The following KCNH5 variants were observed in gnomAD, a reference collection of about 807,000 sequenced individuals.
KCNH5 encodes the protein voltage-gated delayed rectifier potassium channel KCNH5.
A neutral mutation model predicts 96.1 loss-of-function variants in KCNH5; 46 were observed. The ratio of observed to expected loss-of-function variants is 0.48; its 90% confidence interval spans 0.38 to 0.61. The LOEUF is 0.61. Among genes scored for constraint, KCNH5 ranks in the 20% least tolerant of loss-of-function variants. The pLI is 0.00. For synonymous variants in KCNH5, 439 were observed against 449.8 expected, an observed-to-expected ratio of 0.98 and a Z score of 0.30; for missense variants, 907 against 1,225.8, an observed-to-expected ratio of 0.74 and a Z score of 3.88.
intron 10 of KCNH5, among the ~76,000 whole-genome samples, chr14:62,762,314 G>T (rs143023492): frequency 2.6e-5 from 4 of 152,046 alleles, no homozygotes; most frequent in African/African-American, 9.7e-5. Context: ...CTAGCCTCCC[G>T]TGTGGTCCCT....
chr14:62,899,944 A>C (rs573145846), intron 7 of KCNH5, among the ~76,000 whole-genome samples: 2 of 152,370 alleles, frequency 1.3e-5, no homozygotes, highest in South Asian at 2.1e-4. Flanking sequence ...TATCTCTGAA[A>C]TCAAACTGTA....
intron 8 of KCNH5, among the ~76,000 whole-genome samples, chr14:62,817,795 C>T (rs189727489): frequency 2.4e-5 from 3 of 124,046 alleles, no homozygotes; most frequent in Non-Finnish European, 5.0e-5. Flanking sequence ...TATATATATT[C>T]TATATATATT....
At chr14:62,806,872 C>G (rs538152129) in intron 8 of KCNH5, among the ~76,000 whole-genome samples, 1 of 152,246 alleles carries the variant, frequency 6.6e-6, no homozygotes, top group East Asian at 1.9e-4. Context: ...ATCTGCCTTG[C>G]TCTCTTTGCT....
At chr14:62,788,459 A>G (rs889162545) in intron 9 of KCNH5, among the ~76,000 whole-genome samples, 7 of 152,212 alleles carry the variant, frequency 4.6e-5, no homozygotes, top group African/African-American at 1.4e-4. Flanking sequence ...ACAACAAAGT[A>G]CTTATACTAG....
chr14:62,915,840 G>C (rs1479119330), intron 7 of KCNH5, among the ~76,000 whole-genome samples: 1 of 152,084 alleles, frequency 6.6e-6, no homozygotes, highest in Non-Finnish European at 1.5e-5. Flanking sequence ...TGAGATAGGT[G>C]TCATAACCCC....
intron 7 of KCNH5, among the ~76,000 whole-genome samples, chr14:62,865,488 TGAA>T (rs1888117245): frequency 6.6e-6 from 1 of 152,140 alleles, no homozygotes; most frequent in Non-Finnish European, 1.5e-5. Context: ...GTATAGCAGA[TGAA>T]GAGAGAAATA....
At chr14:63,016,237 T>C (rs952691575) in intron 2 of KCNH5, among the ~76,000 whole-genome samples, 5 of 151,996 alleles carry the variant, frequency 3.3e-5, no homozygotes, top group Admixed American at 1.3e-4. Flanking sequence ...TCCTTTTCTT[T>C]TTTCTGATCC....
intron 8 of KCNH5, among the ~76,000 whole-genome samples, chr14:62,816,429 C>G (rs976648147): frequency 2.6e-5 from 4 of 151,918 alleles, no homozygotes; most frequent in Admixed American, 2.0e-4. Context: ...CACTCTCCCA[C>G]TATGCTGACA....
At chr14:62,979,740 G>A (rs558829533) in intron 6 of KCNH5, among the ~76,000 whole-genome samples, 1 of 152,198 alleles carries the variant, frequency 6.6e-6, no homozygotes, top group Admixed American at 6.5e-5. Flanking sequence ...CTATTAGCTT[G>A]GTGTAACAAC....
At chr14:62,972,583 T>C (rs997755650) in intron 6 of KCNH5, among the ~76,000 whole-genome samples, 1 of 152,172 alleles carries the variant, frequency 6.6e-6, no homozygotes, top group African/African-American at 2.4e-5. Flanking sequence ...ATTCATAATT[T>C]TGCAAAACTT....
At position 62,987,919 on chromosome 14, in the gene KCNH5, G is replaced by A. The variant is rs117860356; in HGVS notation, c.434-732C>T. On this transcript the variant is annotated intron_variant, in intron 4 of 10. Coordinates refer to ENST00000322893, the MANE Select transcript of KCNH5 (RefSeq NM_139318.5). ...ATTTCAACAAATCTTACTTTTTATG[G>A]TTCATTTCACACACTTCCATCTTCC... Among the ~76,000 whole-genome samples, 325 of 152,140 alleles carry A rather than the reference G, an allele frequency of 2.1e-3. 14 individuals carry two copies. The East Asian group carries it at 0.056, about 26-fold the overall frequency.
At chr14:62,962,505 T>C (rs1594647950) in intron 6 of KCNH5, among the ~76,000 whole-genome samples, 1 of 152,110 alleles carries the variant, frequency 6.6e-6, no homozygotes, top group East Asian at 1.9e-4. Flanking sequence ...GCTAAGAAAA[T>C]AATTCACACA....
At chr14:62,886,465 A>G (rs1595670595) in intron 7 of KCNH5, among the ~76,000 whole-genome samples, 2 of 152,220 alleles carry the variant, frequency 1.3e-5, no homozygotes, top group South Asian at 4.1e-4. Context: ...ACACTCTGGC[A>G]TGACAGGGTT....
chr14:62,983,126 C>T (rs1890640812), intron 5 of KCNH5, among the ~76,000 whole-genome samples: 1 of 152,132 alleles, frequency 6.6e-6, no homozygotes, highest in African/African-American at 2.4e-5. Context: ...TAAGAACAAA[C>T]TCAGTACCAG....
chr14:62,876,461 C>G (rs1261221214), intron 7 of KCNH5, among the ~76,000 whole-genome samples: 1 of 152,096 alleles, frequency 6.6e-6, no homozygotes, highest in African/African-American at 2.4e-5. Flanking sequence ...TTTAATAAAT[C>G]TATCAAAAGC....
intron 10 of KCNH5, among the ~76,000 whole-genome samples, chr14:62,768,877 A>G (rs1885922928): frequency 6.6e-6 from 1 of 152,212 alleles, no homozygotes; most frequent in Non-Finnish European, 1.5e-5. Context: ...GGAGCAAGGT[A>G]TCTGTGAACC....
chr14:62,826,403 C>CAT (rs1482664170), intron 8 of KCNH5, among the ~76,000 whole-genome samples: 142 of 93,816 alleles, frequency 1.5e-3, no homozygotes, highest in South Asian at 9.0e-3. Flanking sequence ...TGTGTGCGTG[C>CAT]GTGCATGTGT....
At chr14:62,856,116 T>C (rs1478764164) in intron 7 of KCNH5, among the ~76,000 whole-genome samples, 4 of 152,188 alleles carry the variant, frequency 2.6e-5, no homozygotes, top group African/African-American at 9.6e-5. Flanking sequence ...GGTTAAACAA[T>C]TTGTAGAGTC....
chr14:62,747,172 A>G (rs904572660), intron 10 of KCNH5, among the ~76,000 whole-genome samples: 3 of 152,124 alleles, frequency 2.0e-5, no homozygotes, highest in East Asian at 3.9e-4. Context: ...CATCTCTACT[A>G]AAAATACAAA....
Sources: gnomAD v4.1 joint callset for allele counts (sites outside exome capture counted in the v4.1 genomes callset) on GRCh38, gnomAD v4.1.1 for gene constraint, MANE v1.5 for transcripts, NCBI Gene and HGNC (gene_info 2026-07-23, HGNC 2026-07-21) for gene names.